The following PDE1A variants were observed in gnomAD, a reference collection of about 807,000 sequenced individuals.
PDE1A encodes dual specificity calcium/calmodulin-dependent 3',5'-cyclic nucleotide phosphodiesterase 1A.
Under a neutral mutation model 61.7 loss-of-function variants are expected in PDE1A, and 35 were observed. The ratio of observed to expected loss-of-function variants is 0.57; its 90% CI spans 0.43 to 0.75. The LOEUF (loss-of-function observed/expected upper bound fraction) is 0.75. Ranked by LOEUF, PDE1A falls within the 30% of genes least tolerant of loss-of-function variation. The probability of loss-of-function intolerance (pLI) is 0.00; values close to 1 mark genes in which losing one functional copy is unlikely to be tolerated. For synonymous variants in PDE1A, 232 were observed against 213.2 expected (o/e 1.09, Z -0.77); for missense variants, 597 against 630.6 (o/e 0.95, Z 0.57).
chr2:182,159,260 T>G (rs1691251890), intron 13 of PDE1A, among the ~76,000 whole-genome samples: 1 of 152,214 alleles, frequency 6.6e-6, no homozygotes, highest in Non-Finnish European at 1.5e-5. Flanking sequence ...GTATATGAAG[T>G]GGCAGAATCC....
intron 1 of PDE1A, among the ~76,000 whole-genome samples, chr2:182,418,349 A>C (rs550674788): frequency 6.6e-6 from 1 of 152,308 alleles, no homozygotes; most frequent in South Asian, 2.1e-4. Context: ...CAATTAGGTG[A>C]AACGTTTTTA....
At chr2:182,274,282 C>T (rs928934934) in intron 1 of PDE1A, among the ~76,000 whole-genome samples, 6 of 151,952 alleles carry the variant, frequency 3.9e-5, no homozygotes, top group East Asian at 1.9e-4. Context: ...TACCATGTAC[C>T]GACACACTTC....
chr2:182,316,710 T>C (rs1696360783), intron 1 of PDE1A, among the ~76,000 whole-genome samples: 1 of 152,222 alleles, frequency 6.6e-6, no homozygotes, highest in South Asian at 2.1e-4. Context: ...TATTGTATAT[T>C]GTACTTTACT....
chr2:182,498,305 G>A (rs1389810746), intron 2 of PDE1A, among the ~76,000 whole-genome samples: 1 of 151,956 alleles, frequency 6.6e-6, no homozygotes, highest in East Asian at 1.9e-4. Flanking sequence ...CAATTTCAGA[G>A]CTATAAAAAT....
At chr2:182,443,442 T>C (rs186701180) in intron 2 of PDE1A, among the ~76,000 whole-genome samples, 7 of 152,070 alleles carry the variant, frequency 4.6e-5, no homozygotes, top group Admixed American at 3.9e-4. Context: ...AGGTACCTGG[T>C]GGGAGGTTAT....
intron 7 of PDE1A, among the ~76,000 whole-genome samples, chr2:182,207,696 G>C (rs556250246): frequency 6.6e-6 from 1 of 152,208 alleles, no homozygotes; most frequent in Non-Finnish European, 1.5e-5. Flanking sequence ...CCCAGACAAT[G>C]GGGAAGATGT....
intron 2 of PDE1A, among the ~76,000 whole-genome samples, chr2:182,456,973 T>C (rs191420431): frequency 4.6e-5 from 7 of 152,188 alleles, no homozygotes; most frequent in Non-Finnish European, 8.8e-5. Context: ...TGGTTAATCA[T>C]TGGAACAAGC....
rs1174364758 is a variant in PDE1A, at chr2:182,303,631, G to A, written c.54-39217C>T. Among the ~76,000 whole-genome samples, 3 of 152,186 alleles carry A rather than the reference G, an allele frequency of 2.0e-5. No homozygotes were observed. The East Asian group carries it at 5.8e-4, about 29-fold the overall frequency. ...TCACCAGCTGCATTAGCCCCTAATA[G>A]TAGAGTCAGCCTGTCCTTTGAGGCT... On this transcript the variant is annotated intron_variant, in intron 1 of 13. Coordinates refer to ENST00000351439, the Ensembl canonical transcript of PDE1A.
chr2:182,621,366 GT>G, the PDE1A span, among the ~76,000 whole-genome samples: 1 of 152,072 alleles, frequency 6.6e-6, no homozygotes, highest in Non-Finnish European at 1.5e-5. Flanking sequence ...TCTATCAAAT[GT>G]TTTTGCTTCA....
chr2:182,224,004 A>G, intron 6 of PDE1A, 40 bp from the exon 7 acceptor site: 4 of 1,339,096 alleles, frequency 3.0e-6, no homozygotes, highest in Non-Finnish European at 4.3e-6. Context: ...TTCAAGAAGT[A>G]GATAACATCT....
chr2:182,516,441 A>G (rs1203805892), intron 2 of PDE1A, among the ~76,000 whole-genome samples: 1 of 152,006 alleles, frequency 6.6e-6, no homozygotes, highest in East Asian at 1.9e-4. Context: ...ACTTGAGCCC[A>G]GGCATTCAAG....
At chr2:182,425,511 T>C (rs1057187771) in intron 1 of PDE1A, among the ~76,000 whole-genome samples, 1 of 152,218 alleles carries the variant, frequency 6.6e-6, no homozygotes, top group African/African-American at 2.4e-5. Flanking sequence ...AGGAAGACTT[T>C]AAAACAGATT....
the PDE1A span, among the ~76,000 whole-genome samples, chr2:182,631,294 T>A: frequency 2.3e-4 from 34 of 148,150 alleles, no homozygotes; most frequent in Middle Eastern, 3.5e-3. Flanking sequence ...CTTTTTTTTT[T>A]AATTAATTAA....
the PDE1A span, among the ~76,000 whole-genome samples, chr2:182,551,582 G>A: frequency 1.3e-5 from 2 of 152,130 alleles, no homozygotes; most frequent in African/African-American, 2.4e-5. Flanking sequence ...CACTTCAGAG[G>A]GCTGCAGAGA....
chr2:182,200,423 A>T (rs746876066), intron 10 of PDE1A, among the ~76,000 whole-genome samples: 2 of 152,176 alleles, frequency 1.3e-5, no homozygotes, highest in Non-Finnish European at 2.9e-5. Flanking sequence ...AACCATGCCT[A>T]TGTAATGAAA....
chr2:182,584,273 G>T, the PDE1A span, among the ~76,000 whole-genome samples: 6 of 151,888 alleles, frequency 4.0e-5, no homozygotes, highest in African/African-American at 1.5e-4. Flanking sequence ...GACTTAGAGA[G>T]ACTTCAATTT....
chr2:182,215,492 G>A (rs1196903780), intron 7 of PDE1A, among the ~76,000 whole-genome samples: 1 of 151,044 alleles, frequency 6.6e-6, no homozygotes, highest in Non-Finnish European at 1.5e-5. Flanking sequence ...TTTTTTGAAA[G>A]GATCAACAAA....
chr2:182,566,311 C>A, the PDE1A span, among the ~76,000 whole-genome samples: 9 of 152,086 alleles, frequency 5.9e-5, no homozygotes, highest in African/African-American at 2.2e-4. Context: ...GACCCTACAC[C>A]TTCTAATACT....
At chr2:182,560,872 T>A in the PDE1A span, among the ~76,000 whole-genome samples, 2 of 152,196 alleles carry the variant, frequency 1.3e-5, no homozygotes, top group Admixed American at 1.3e-4. Context: ...CTGAGAAGTG[T>A]CTGTTCATGT....
Sources: gnomAD v4.1 joint callset for allele counts (sites outside exome capture counted in the v4.1 genomes callset) on GRCh38, gnomAD v4.1.1 for gene constraint, MANE v1.5 for transcripts, NCBI Gene and HGNC (gene_info 2026-07-23, HGNC 2026-07-21) for gene names.